Variants in PHF20 observed in about 807,000 individuals in gnomAD.
The protein encoded by PHF20 is PHD finger protein 20.
A neutral mutation model predicts 113.5 loss-of-function variants in PHF20; 23 were observed. That is an observed-to-expected ratio of 0.20 (90% CI 0.15 to 0.29). The LOEUF (loss-of-function observed/expected upper bound fraction) is 0.29, where lower values mean the gene tolerates loss of function less well. Among genes scored for constraint, PHF20 ranks in the 10% least tolerant of loss-of-function variants. The pLI, the probability that PHF20 is intolerant of heterozygous loss-of-function variation, is 1.00. For missense variants in PHF20, 943 were observed against 1,219.6 expected, an observed-to-expected ratio of 0.77 and a Z score of 3.38; for synonymous variants, 434 against 457.3, an observed-to-expected ratio of 0.95 and a Z score of 0.65.
chr20:35,811,489 C>T (rs1253296662), intron 2 of PHF20, among the ~76,000 whole-genome samples: 2 of 150,620 alleles, frequency 1.3e-5, no homozygotes, highest in African/African-American at 4.9e-5. Flanking sequence ...GTTGCCTAGG[C>T]TGGAGTGCAA....
intron 4 of PHF20, chr20:35,855,198 G>C (rs1379149615): frequency 6.6e-6 from 8 of 1,215,378 alleles, no homozygotes; most frequent in Non-Finnish European, 8.6e-6. Context: ...AGAGGGTTCT[G>C]TTTAGAATTC....
rs960536163 is a variant in PHF20 at position 35,901,068 on chromosome 20, A to G, written c.1561+1420A>G. On this transcript the variant is annotated intron_variant, in intron 10 of 17. Coordinates refer to ENST00000374012, the MANE Select transcript of PHF20 (RefSeq NM_016436.5). ...GGTTATACAGGTGTGTTCATTTATG[A>G]AAAAGTATTGGTTTATGTGTTTATT... is the stretch of plus-strand genomic sequence containing the variant. Among the ~76,000 whole-genome samples the G allele has an allele frequency of 5.3e-5, 8 of 152,064 alleles. 1 individual carries two copies. Among genetic ancestry groups the G allele is most frequent in the Non-Finnish European group, 8.8e-5 (6 of 68,016 alleles).
chr20:35,869,591 G>A (rs6121073), intron 7 of PHF20, 40 bp downstream of exon 7: 212,096 of 1,068,376 alleles, frequency 0.2, 24,832 homozygotes, highest in African/African-American at 0.41. Flanking sequence ...AGAATTTGAC[G>A]TTGTTTGGGT....
At chr20:35,887,335 G>A (rs2147028115) in intron 9 of PHF20, among the ~76,000 whole-genome samples, 1 of 152,262 alleles carries the variant, frequency 6.6e-6, no homozygotes, top group Middle Eastern at 3.4e-3. Flanking sequence ...AGGAGTTCAA[G>A]CATAGCTTGG....
chr20:35,937,505 G>A (rs1409547857), intron 15 of PHF20, among the ~76,000 whole-genome samples: 6 of 151,920 alleles, frequency 3.9e-5, no homozygotes, highest in Admixed American at 3.9e-4. Context: ...GGAGTGTCTG[G>A]GTTAAAATAA....
At chr20:35,787,168 T>C (rs1464237679) in intron 1 of PHF20, among the ~76,000 whole-genome samples, 2 of 136,546 alleles carry the variant, frequency 1.5e-5, no homozygotes, top group African/African-American at 5.9e-5. Flanking sequence ...ATTATTTATT[T>C]ATTTATTTAT....
At chr20:35,788,539 T>C (rs1236743109) in intron 1 of PHF20, among the ~76,000 whole-genome samples, 1 of 151,852 alleles carries the variant, frequency 6.6e-6, no homozygotes, top group African/African-American at 2.4e-5. Flanking sequence ...CCTGGCCTCT[T>C]TTCTGTTTTT....
chr20:35,890,195 T>A (rs2054822865), intron 9 of PHF20, among the ~76,000 whole-genome samples: 1 of 151,344 alleles, frequency 6.6e-6, no homozygotes, highest in African/African-American at 2.4e-5. Context: ...ACCCATCTAC[T>A]TTTTGTATTT....
At chr20:35,779,072 G>C (rs765188398) in intron 1 of PHF20, among the ~76,000 whole-genome samples, 3 of 151,004 alleles carry the variant, frequency 2.0e-5, no homozygotes, top group Middle Eastern at 3.5e-3. Context: ...GTCTCACTTC[G>C]TTGCCCAGGC....
At chr20:35,842,021 G>T (rs1326416398) in intron 2 of PHF20, among the ~76,000 whole-genome samples, 1 of 152,022 alleles carries the variant, frequency 6.6e-6, no homozygotes, top group Non-Finnish European at 1.5e-5. Context: ...CTTTACATGA[G>T]GGAACTCAGG....
At chr20:35,910,484 A>G (rs750575023) in intron 10 of PHF20, among the ~76,000 whole-genome samples, 1 of 152,144 alleles carries the variant, frequency 6.6e-6, no homozygotes, top group South Asian at 2.1e-4. Context: ...ATACCCAACT[A>G]TCACCACAAT....
intron 2 of PHF20, among the ~76,000 whole-genome samples, chr20:35,838,135 T>C (rs1342960416): frequency 1.3e-5 from 2 of 152,154 alleles, no homozygotes; most frequent in Non-Finnish European, 2.9e-5. Flanking sequence ...GCCTAGGAGT[T>C]CACACTTGAT....
intron 2 of PHF20, among the ~76,000 whole-genome samples, chr20:35,816,798 TTC>T (rs1491252275): frequency 6.8e-5 from 10 of 146,916 alleles, no homozygotes; most frequent in South Asian, 2.2e-4. Context: ...TTTTTTTTTT[TTC>T]TTCTTCTTTG....
intron 1 of PHF20, among the ~76,000 whole-genome samples, chr20:35,791,494 T>TA (rs1385019571): frequency 1.6e-5 from 2 of 124,086 alleles, no homozygotes; most frequent in Admixed American, 1.6e-4. Flanking sequence ...TCTATCTATC[T>TA]ATCTATCTTA....
chr20:35,810,069 A>G (rs1268845916), intron 2 of PHF20, among the ~76,000 whole-genome samples: 9 of 152,218 alleles, frequency 5.9e-5, no homozygotes, highest in African/African-American at 2.2e-4. Context: ...AGCTGGGACT[A>G]CAGGCAGGTG....
chr20:35,878,013 A>G (rs988694860), intron 9 of PHF20, among the ~76,000 whole-genome samples: 1 of 152,244 alleles, frequency 6.6e-6, no homozygotes, highest in Non-Finnish European at 1.5e-5. Context: ...ATTTACTTTT[A>G]AATTAACCAG....
intron 2 of PHF20, among the ~76,000 whole-genome samples, chr20:35,807,344 A>C (rs1380001835): frequency 6.7e-6 from 1 of 148,488 alleles, no homozygotes; most frequent in Non-Finnish European, 1.5e-5. Context: ...GCTTCTATGA[A>C]TGGATCTTTT....
intron 5 of PHF20, among the ~76,000 whole-genome samples, chr20:35,860,350 C>T (rs1168809905): frequency 6.6e-6 from 1 of 151,204 alleles, no homozygotes; most frequent in African/African-American, 2.4e-5. Context: ...AAGCAATTCT[C>T]CTTCCTCAGC....
At chr20:35,855,735 G>A (rs185361056) in intron 4 of PHF20, among the ~76,000 whole-genome samples, 121 of 152,154 alleles carry the variant, frequency 8.0e-4, no homozygotes, top group African/African-American at 2.7e-3. Flanking sequence ...GTGCAGTGGT[G>A]TGATCTTGGC....
Sources: gnomAD v4.1 joint callset for allele counts (sites outside exome capture counted in the v4.1 genomes callset) on GRCh38, gnomAD v4.1.1 for gene constraint, MANE v1.5 for transcripts, NCBI Gene and HGNC (gene_info 2026-07-23, HGNC 2026-07-21) for gene names.